Variants in TRAPPC9 observed in about 807,000 individuals in gnomAD.
TRAPPC9 encodes trafficking protein particle complex subunit 9, also known as IKK2 binding protein.
TRAPPC9 carries 83 observed loss-of-function variants against 124.0 expected under a neutral mutation model. The ratio of observed to expected loss-of-function variants is 0.67; its 90% CI spans 0.56 to 0.80. TRAPPC9 has a LOEUF of 0.80. TRAPPC9 is among the 30% of genes least tolerant of loss of function. TRAPPC9 has a pLI of 0.00. For synonymous variants in TRAPPC9, 638 were observed against 617.5 expected, an observed-to-expected ratio of 1.03 and a Z score of -0.49; for missense variants, 1,302 against 1,508.3, an observed-to-expected ratio of 0.86 and a Z score of 2.27.
chr8:140,000,632 T>C (rs1393188089), intron 18 of TRAPPC9, among the ~76,000 whole-genome samples: 2 of 152,120 alleles, frequency 1.3e-5, no homozygotes, highest in East Asian at 3.9e-4. Flanking sequence ...ACATGAAAAA[T>C]GCTCACCATC....
intron 19 of TRAPPC9, among the ~76,000 whole-genome samples, chr8:139,921,058 C>T (rs1832472139): frequency 6.6e-6 from 1 of 152,208 alleles, no homozygotes; most frequent in East Asian, 1.9e-4. Flanking sequence ...GCAAGCGGGA[C>T]CTTGGCAGCC....
At chr8:140,199,237 G>A (rs937138341) in intron 17 of TRAPPC9, among the ~76,000 whole-genome samples, 15 of 152,094 alleles carry the variant, frequency 9.9e-5, no homozygotes, top group African/African-American at 3.4e-4. Flanking sequence ...GGGGCCTAAG[G>A]GTCTGTATTT....
intron 6 of TRAPPC9, among the ~76,000 whole-genome samples, chr8:140,399,661 C>T (rs926210832): frequency 6.6e-6 from 1 of 152,198 alleles, no homozygotes; most frequent in Non-Finnish European, 1.5e-5. Flanking sequence ...TAAGCAGCTG[C>T]TTTTGATTTT....
At chr8:140,246,857 C>T (rs1351324097) in intron 16 of TRAPPC9, among the ~76,000 whole-genome samples, 3 of 152,080 alleles carry the variant, frequency 2.0e-5, no homozygotes, top group African/African-American at 4.8e-5. Context: ...TGGTGGCATA[C>T]GCATGTAGTC....
At chr8:140,167,716 G>A (rs897212311) in intron 17 of TRAPPC9, among the ~76,000 whole-genome samples, 2 of 152,186 alleles carry the variant, frequency 1.3e-5, no homozygotes, top group African/African-American at 2.4e-5. Flanking sequence ...TTAAGCTCCC[G>A]CTATTTCATA....
At chr8:140,245,637 T>A (rs1467792371) in intron 16 of TRAPPC9, among the ~76,000 whole-genome samples, 1 of 152,218 alleles carries the variant, frequency 6.6e-6, no homozygotes, top group African/African-American at 2.4e-5. Flanking sequence ...CCTGATAATT[T>A]ACTTGTTGAG....
At chr8:140,425,201 G>C (rs1365299077) in intron 5 of TRAPPC9, among the ~76,000 whole-genome samples, 3 of 152,244 alleles carry the variant, frequency 2.0e-5, no homozygotes, top group Non-Finnish European at 4.4e-5. Flanking sequence ...GAAGGCATTA[G>C]CAGGAACTGG....
intron 2 of TRAPPC9, among the ~76,000 whole-genome samples, chr8:140,448,762 G>A (rs1272832408): frequency 1.3e-5 from 2 of 152,108 alleles, no homozygotes; most frequent in African/African-American, 4.8e-5. Context: ...CTGGACAGCA[G>A]TGTGCGCTAT....
intron 17 of TRAPPC9, among the ~76,000 whole-genome samples, chr8:140,179,476 G>T (rs894608570): frequency 1.3e-5 from 2 of 152,014 alleles, no homozygotes; most frequent in African/African-American, 4.8e-5. Flanking sequence ...AATTTATTGA[G>T]ACTTGATTTA....
intron 17 of TRAPPC9, among the ~76,000 whole-genome samples, chr8:140,165,426 C>T (rs2061818148): frequency 8.6e-6 from 1 of 116,718 alleles, no homozygotes. Context: ...GTAGGCCCAG[C>T]TACTCGGGAG....
At chr8:139,737,395 C>T (rs1253463451) in intron 21 of TRAPPC9, among the ~76,000 whole-genome samples, 4 of 151,956 alleles carry the variant, frequency 2.6e-5, no homozygotes, top group Non-Finnish European at 5.9e-5. Flanking sequence ...CGCATGTGTC[C>T]CCTCCCTCGG....
chr8:140,249,248 A>C (rs1034613186), intron 16 of TRAPPC9, among the ~76,000 whole-genome samples: 1 of 152,040 alleles, frequency 6.6e-6, no homozygotes, highest in African/African-American at 2.4e-5. Flanking sequence ...GACTCAATGC[A>C]TACCTCCCAC....
At chr8:140,430,289 A>G (rs1426923497) in intron 4 of TRAPPC9, among the ~76,000 whole-genome samples, 1 of 152,188 alleles carries the variant, frequency 6.6e-6, no homozygotes, top group African/African-American at 2.4e-5. Context: ...CCCATGACCT[A>G]TTTAAACTGA....
intron 19 of TRAPPC9, among the ~76,000 whole-genome samples, chr8:139,956,841 G>T (rs542675500): frequency 6.6e-6 from 1 of 152,302 alleles, no homozygotes; most frequent in East Asian, 1.9e-4. Flanking sequence ...CCTTCAGGCC[G>T]TGCTGAGGGG....
chr8:140,107,454 A>G (rs1358093789), intron 17 of TRAPPC9, among the ~76,000 whole-genome samples: 1 of 152,224 alleles, frequency 6.6e-6, no homozygotes, highest in East Asian at 1.9e-4. Context: ...TGCAACAAAG[A>G]TAAAACTAAG....
Position 139,743,744 on chromosome 8 carries a change from G to C in TRAPPC9, c.3056-11542C>G, listed in dbSNP as rs141338804. Among the ~76,000 whole-genome samples, 1,362 of 152,268 alleles carry C rather than the reference G, an allele frequency of 8.9e-3. 14 individuals carry two copies. The highest frequency in any genetic ancestry group is 0.013 in the Non-Finnish European group (909 of 68,028). On this transcript the variant is annotated intron_variant, in intron 21 of 22. Transcript: ENST00000438773. ...CCAACACCGGGCCAGCTGTCCTGTG[G>C]GGTGGGGGGCAGGCAGGCACATCCC...
chr8:140,027,220 C>T (rs1238392394), intron 17 of TRAPPC9, among the ~76,000 whole-genome samples: 1 of 152,196 alleles, frequency 6.6e-6, no homozygotes, highest in African/African-American at 2.4e-5. Flanking sequence ...TCAGAAAGCT[C>T]TGTAAATGCT....
chr8:140,371,006 G>C lies in TRAPPC9; in HGVS notation c.1309C>G (p.Pro437Ala), dbSNP rs910953152. The C allele has an allele frequency of 6.2e-7, 1 of 1,614,256 alleles. No homozygotes were observed. The highest frequency in any genetic ancestry group is 1.7e-5 in the Admixed American group (1 of 60,028). The change falls in exon 8 of 23, where the codon CCC becomes GCC. Residue 437 changes from proline (P) to alanine (A), a missense_variant. Physicochemically the swap from Pro to Ala is conservative, Grantham distance 27. Around this residue, in one of 3 missense-constraint regions of TRAPPC9, gnomAD observed 657 missense variants for 811.2 expected, o/e 0.81. Coordinates refer to ENST00000438773, the MANE Select transcript of TRAPPC9 (RefSeq NM_001160372.4). The stretch of plus-strand genomic sequence containing the variant: ...GGATCCAGCGACAGACTGTAGCCGG[G>C]CAGCGTTTCCAGGAGGAGTTTGTAG... Reference protein sequence around the residue: ...ACYKLLLETLPGYSLSLDPKD... With the variant: ...ACYKLLLETLAGYSLSLDPKD...
intron 17 of TRAPPC9, among the ~76,000 whole-genome samples, chr8:140,075,121 G>A (rs1472943353): frequency 6.6e-6 from 1 of 152,138 alleles, no homozygotes; most frequent in African/African-American, 2.4e-5. Context: ...TCAGAGCCCT[G>A]CAGACAGGGC....
Sources: allele counts gnomAD v4.1 joint callset (sites outside exome capture counted in the v4.1 genomes callset), GRCh38; gene constraint gnomAD v4.1.1; regional missense constraint gnomAD v4.1.1; transcripts MANE v1.5; gene names NCBI Gene and HGNC (gene_info 2026-07-23, HGNC 2026-07-21).